CERS4: variants seen among roughly 807,000 people sequenced by gnomAD.
CERS4 encodes the protein LAG1 homolog, ceramide synthase 4.
Under a neutral mutation model 51.8 loss-of-function variants are expected in CERS4, and 65 were observed. The observed-to-expected ratio is 1.26, with a 90% CI of 1.03 to 1.54. CERS4 has a LOEUF of 1.54. Among genes scored for constraint, CERS4 ranks in the 40% most tolerant of loss-of-function variants. The pLI is 0.00. For missense variants in CERS4, 563 were observed against 500.4 expected (o/e 1.13, Z -1.19); for synonymous variants, 228 against 208.4 (o/e 1.09, Z -0.81).
intron 2 of CERS4, among the ~76,000 whole-genome samples, chr19:8,238,172 G>T (rs974694224): frequency 6.6e-6 from 1 of 151,976 alleles, no homozygotes; most frequent in South Asian, 2.1e-4. Flanking sequence ...GATGCTGGGG[G>T]CCCCTGGAGA....
rs1280090148 is a variant in CERS4 at position 8,255,626 on chromosome 19, C to T, written c.311C>T (p.Ala104Val). The T allele has an allele frequency of 5.0e-6, 8 of 1,612,144 alleles. No homozygotes were observed. The highest frequency in any genetic ancestry group is 5.9e-6 in the Non-Finnish European group (7 of 1,179,868). ...CCCCAGCCCCAGCTGTCTCTCCTGG[C>T]CGCCCAGTGTGGCCTCACGCTGCAG... ...RPKEPQLSLLAAQCGLTLQQT... is the reference protein window; with the variant it reads ...RPKEPQLSLLVAQCGLTLQQT... The change falls in exon 5 of 12, where the codon GCC (alanine) becomes GTC (valine). Residue 104 changes from alanine to valine, a missense_variant. Transcript: ENST00000251363.
chr19:8,216,410 C>T (rs1266638602), intron 2 of CERS4, among the ~76,000 whole-genome samples: 1 of 151,428 alleles, frequency 6.6e-6, no homozygotes, highest in Non-Finnish European at 1.5e-5. Context: ...ATTACAGCCC[C>T]CACTGCCTGA....
At chr19:8,211,386 AC>A (rs1202347294) in intron 2 of CERS4, among the ~76,000 whole-genome samples, 1 of 150,742 alleles carries the variant, frequency 6.6e-6, no homozygotes, top group African/African-American at 2.4e-5. Flanking sequence ...GAGCCTGACC[AC>A]CCCCCAGCCC....
intron 2 of CERS4, among the ~76,000 whole-genome samples, chr19:8,233,193 T>C (rs886309238): frequency 6.6e-6 from 1 of 150,686 alleles, no homozygotes; most frequent in African/African-American, 2.4e-5. Flanking sequence ...GGGGGCGGAG[T>C]CTTGCTCTGT....
At chr19:8,215,059 G>A (rs1967243087) in intron 2 of CERS4, among the ~76,000 whole-genome samples, 1 of 151,874 alleles carries the variant, frequency 6.6e-6, no homozygotes, top group African/African-American at 2.4e-5. Flanking sequence ...AGCAACGGCA[G>A]CAGCCAGTGG....
chr19:8,217,438 G>A (rs560235676), intron 2 of CERS4, among the ~76,000 whole-genome samples: 1 of 152,016 alleles, frequency 6.6e-6, no homozygotes, highest in African/African-American at 2.4e-5. Flanking sequence ...GCGCAATCTC[G>A]GTTCACTGCA....
At chr19:8,213,447 C>T (rs1449204491) in intron 2 of CERS4, among the ~76,000 whole-genome samples, 1 of 152,092 alleles carries the variant, frequency 6.6e-6, no homozygotes, top group Admixed American at 6.6e-5. Flanking sequence ...CACAGGCATG[C>T]ACCACCAGGC....
At chr19:8,242,673 A>T (rs1474745467) in intron 2 of CERS4, among the ~76,000 whole-genome samples, 2 of 152,142 alleles carry the variant, frequency 1.3e-5, no homozygotes, top group African/African-American at 4.8e-5. Context: ...CAGGGCAGAG[A>T]TGTTGCTTGT....
rs535035246 is a variant in CERS4 at position 8,251,006 on chromosome 19, C to T, written c.-1-70C>T. 5 of 1,500,038 alleles carry T rather than the reference C, an allele frequency of 3.3e-6. No homozygotes were observed. The Admixed American group carries it at 1.1e-4, about 34-fold the overall frequency. The allele number at this position is 1,500,038 out of a possible 1,614,324, so 92.9% of individuals were successfully genotyped here. A position where few individuals can be genotyped will look rare whatever the true frequency, so the allele number is the denominator to read the frequency against. ...CGAGTAGGAGTTCTGAGGCTCCAGC[C>T]TCTCAGGCCCCACTTGCCCCACCCA... is the stretch of plus-strand genomic sequence containing the variant. On this transcript the variant is annotated intron_variant, in intron 2 of 11. Coordinates refer to ENST00000251363, the MANE Select transcript of CERS4 (RefSeq NM_024552.3).
At chr19:8,235,691 T>G (rs1968218429) in intron 2 of CERS4, among the ~76,000 whole-genome samples, 2 of 151,082 alleles carry the variant, frequency 1.3e-5, no homozygotes, top group Admixed American at 6.6e-5. Context: ...AGTTTGAGAC[T>G]AGCCCAGGCA....
chr19:8,253,846 C>G, intron 3 of CERS4, among the ~76,000 whole-genome samples: 1 of 152,076 alleles, frequency 6.6e-6, no homozygotes. Flanking sequence ...CACCTCAGCC[C>G]CAAAGTTCTG....
At chr19:8,226,745 C>T (rs1007645497) in intron 2 of CERS4, among the ~76,000 whole-genome samples, 3 of 152,148 alleles carry the variant, frequency 2.0e-5, no homozygotes, top group African/African-American at 7.2e-5. Context: ...GTAATCCTAG[C>T]ACTTTGGGAG....
intron 2 of CERS4, among the ~76,000 whole-genome samples, chr19:8,218,547 G>A (rs1316651334): frequency 6.6e-6 from 1 of 152,140 alleles, no homozygotes; most frequent in Non-Finnish European, 1.5e-5. Context: ...GGCCAGGACA[G>A]GGCAGTGCGT....
chr19:8,215,959 AG>A (rs1967282900), intron 2 of CERS4, among the ~76,000 whole-genome samples: 1 of 152,186 alleles, frequency 6.6e-6, no homozygotes, highest in Non-Finnish European at 1.5e-5. Context: ...CCTCGAGTCC[AG>A]GATGCCTGGC....
chr19:8,255,540 G>A (rs894496506), intron 4 of CERS4, 67 bp from the exon 5 acceptor site: 9 of 1,408,410 alleles, frequency 6.4e-6, no homozygotes, highest in African/African-American at 2.8e-5. Flanking sequence ...GCCAAGTCCT[G>A]TCTGGGGACA....
rs78709327 is a variant in CERS4, at chr19:8,229,020, T to TA, written c.-2+18173dup. On this transcript the variant is annotated intron_variant, in intron 2 of 11. Coordinates refer to ENST00000251363, the MANE Select transcript of CERS4 (RefSeq NM_024552.3). ...CAGCCTGGGCCGGTGAGACTTCATC[T>TA]AAAAAAAAAAAAAAATCCATGAATG... 2.6e-3 allele frequency among the ~76,000 whole-genome samples: 350 copies of TA among 133,958 alleles called. 2 individuals carry two copies. The highest frequency in any genetic ancestry group is 7.6e-3 in the South Asian group (32 of 4,204). The allele number at this position is 133,958 out of a possible 152,430, so 87.9% of individuals were successfully genotyped here.
chr19:8,211,890 CAAAAAA>C (rs57231018), intron 2 of CERS4, among the ~76,000 whole-genome samples: 6 of 75,532 alleles, frequency 7.9e-5, no homozygotes, highest in East Asian at 3.3e-4. Flanking sequence ...AGACTATCTC[CAAAAAA>C]AAAAAAAAAA....
At position 8,255,691 on chromosome 19, in the gene CERS4, C is replaced by G; in HGVS notation, c.376C>G (p.Arg126Gly). 1 of 1,612,982 alleles carries G rather than the reference C, an allele frequency of 6.2e-7. No individual in the cohort carries two copies. The highest frequency in any genetic ancestry group is 1.1e-5 in the South Asian group (1 of 90,968). ...GTTCCGGAGACGCCGGAACCAGGATCGACCCCAGCTGACCAAGAAGTTCTG... is the reference window on the plus strand; with the variant it reads ...GTTCCGGAGACGCCGGAACCAGGATGGACCCCAGCTGACCAAGAAGTTCTG... ...RWFRRRRNQD[R>G]PQLTKKFCEA... The change falls in exon 5 of 12, where the codon CGA (arginine) becomes GGA (glycine). Residue 126 changes from arginine (R) to glycine (G), a missense_variant. Transcript: ENST00000251363.
rs1969747223 is a variant in CERS4 at position 8,262,220 on chromosome 19, C to T, written c.*111C>T. The T allele has an allele frequency of 8.2e-7, 1 of 1,226,496 alleles. No homozygotes were observed. Among genetic ancestry groups the T allele is most frequent in the Non-Finnish European group, 1.1e-6 (1 of 938,000 alleles). 76.0% of individuals were successfully genotyped at this position (1,226,496 alleles called of 1,614,324 possible). ...CTTTCTGGAGACAGGGAGGGCCCCA[C>T]CCGGGGTGGGTGGGAAGGCTGATGA... is the stretch of plus-strand genomic sequence containing the variant. On this transcript the variant is annotated 3_prime_UTR_variant, in exon 12 of 12. Transcript: ENST00000251363.
Sources: allele counts gnomAD v4.1 joint callset (sites outside exome capture counted in the v4.1 genomes callset), GRCh38; gene constraint gnomAD v4.1.1; transcripts MANE v1.5; gene names NCBI Gene and HGNC (gene_info 2026-07-23, HGNC 2026-07-21).